ZNF804B: variants seen among roughly 807,000 people sequenced by gnomAD.
ZNF804B encodes the protein zinc finger 804B.
ZNF804B carries 80 observed loss-of-function variants against 101.4 expected under a neutral mutation model. The observed-to-expected ratio is 0.79, with a 90% CI of 0.66 to 0.95. The LOEUF is 0.95. Among genes scored for constraint, ZNF804B ranks in the 40% least tolerant of loss-of-function variants. The pLI is 0.00. For missense variants in ZNF804B, 1,673 were observed against 1,561.9 expected (o/e 1.07, Z -1.20); for synonymous variants, 622 against 558.8 (o/e 1.11, Z -1.59).
chr7:89,107,313 C>T (rs1790149598), intron 1 of ZNF804B, among the ~76,000 whole-genome samples: 1 of 151,734 alleles, frequency 6.6e-6, no homozygotes, highest in Non-Finnish European at 1.5e-5. Context: ...ATTTAATGAT[C>T]CTTTTACATG....
intron 2 of ZNF804B, among the ~76,000 whole-genome samples, chr7:89,288,006 G>A (rs1224344638): frequency 6.6e-6 from 1 of 150,874 alleles, no homozygotes; most frequent in Non-Finnish European, 1.5e-5. Context: ...TCATTACAAT[G>A]TTCAGCATAC....
At chr7:89,166,142 G>A (rs1229578671) in intron 1 of ZNF804B, among the ~76,000 whole-genome samples, 2 of 152,092 alleles carry the variant, frequency 1.3e-5, no homozygotes, top group East Asian at 3.9e-4. Context: ...AGACTGCTTA[G>A]TGTGCAATTA....
intron 2 of ZNF804B, among the ~76,000 whole-genome samples, chr7:89,255,869 T>C (rs1021113350): frequency 6.6e-6 from 1 of 151,844 alleles, no homozygotes; most frequent in Non-Finnish European, 1.5e-5. Context: ...TTCATAAAAG[T>C]GAGTAAAAGA....
At chr7:89,224,647 T>C (rs1193104152) in intron 2 of ZNF804B, among the ~76,000 whole-genome samples, 2 of 151,770 alleles carry the variant, frequency 1.3e-5, no homozygotes, top group Non-Finnish European at 2.9e-5. Flanking sequence ...ATACCTTCAG[T>C]ACCATAAAAT....
intron 1 of ZNF804B, among the ~76,000 whole-genome samples, chr7:88,840,659 T>C (rs2115804000): frequency 6.6e-6 from 1 of 152,158 alleles, no homozygotes; most frequent in South Asian, 2.1e-4. Context: ...TCCGGGATAG[T>C]TTTGAACTGA....
At chr7:89,147,736 A>C (rs1023021847) in intron 1 of ZNF804B, among the ~76,000 whole-genome samples, 1 of 151,964 alleles carries the variant, frequency 6.6e-6, no homozygotes, top group Admixed American at 6.6e-5. Flanking sequence ...TTAGATTCTC[A>C]TAGGAGAACG....
chr7:89,246,004 C>T (rs952322336), intron 2 of ZNF804B, among the ~76,000 whole-genome samples: 1 of 152,150 alleles, frequency 6.6e-6, no homozygotes, highest in African/African-American at 2.4e-5. Flanking sequence ...AAGCTGCAGA[C>T]ATTTTCCCAG....
In ZNF804B at chr7:89,335,066, G is replaced by T. The variant is rs2116004809; in HGVS notation, c.2084G>T (p.Arg695Ile). The T allele has an allele frequency of 6.2e-7, 1 of 1,613,792 alleles. No homozygotes were observed. The highest frequency in any genetic ancestry group is 2.2e-5 in the East Asian group (1 of 44,844). Residue 695 changes from arginine to isoleucine, a missense_variant, in exon 4 of 4, where the codon AGA (arginine) becomes ATA (isoleucine). Physicochemically the swap from Arg to Ile is moderately conservative, Grantham distance 97. Transcript: ENST00000333190. Reference sequence around the variant, plus strand: ...AAGGTTTCCGGATGTGGAAACCAAAGATACAAGAGATACTCTCCACAGTCA... The same window carrying T: ...AAGGTTTCCGGATGTGGAAACCAAATATACAAGAGATACTCTCCACAGTCA... ...TSKVSGCGNQ[R>I]YKRYSPQSCL... is the part of the protein sequence containing the mutation.
chr7:89,147,740 G>A (rs970084441), intron 1 of ZNF804B, among the ~76,000 whole-genome samples: 1 of 151,822 alleles, frequency 6.6e-6, no homozygotes, highest in Non-Finnish European at 1.5e-5. Context: ...ATTCTCATAG[G>A]AGAACGAACC....
intron 1 of ZNF804B, among the ~76,000 whole-genome samples, chr7:88,988,117 C>A (rs1793790863): frequency 6.6e-6 from 1 of 151,336 alleles, no homozygotes; most frequent in Non-Finnish European, 1.5e-5. Context: ...ACATAATGTC[C>A]TCCAGTTCCA....
chr7:88,817,186 A>T (rs1351160450), intron 1 of ZNF804B, among the ~76,000 whole-genome samples: 1 of 152,172 alleles, frequency 6.6e-6, no homozygotes, highest in African/African-American at 2.4e-5. Flanking sequence ...AACAATGAGA[A>T]CACATGGACA....
At chr7:89,145,222 T>A in intron 1 of ZNF804B, among the ~76,000 whole-genome samples, 1 of 152,144 alleles carries the variant, frequency 6.6e-6, no homozygotes, top group East Asian at 1.9e-4. Context: ...CTTAATTATA[T>A]ATTTAATAGT....
chr7:88,856,870 G>GT (rs1308944320), intron 1 of ZNF804B, among the ~76,000 whole-genome samples: 1 of 152,124 alleles, frequency 6.6e-6, no homozygotes, highest in South Asian at 2.1e-4. Flanking sequence ...ATAATCGTAT[G>GT]TTTTTTGTCG....
intron 1 of ZNF804B, among the ~76,000 whole-genome samples, chr7:88,853,662 C>T (rs1270532950): frequency 6.6e-6 from 1 of 152,082 alleles, no homozygotes; most frequent in South Asian, 2.1e-4. Context: ...AAGTTAGTCC[C>T]CAAATATTGT....
chr7:89,300,859 A>G (rs374185994), intron 2 of ZNF804B, among the ~76,000 whole-genome samples: 2 of 151,840 alleles, frequency 1.3e-5, no homozygotes, highest in African/African-American at 2.4e-5. Flanking sequence ...TAAACAGTGG[A>G]TAGAAGTGGA....
chr7:88,895,533 C>A (rs549852230), intron 1 of ZNF804B, among the ~76,000 whole-genome samples: 6 of 152,130 alleles, frequency 3.9e-5, no homozygotes, highest in Non-Finnish European at 8.8e-5. Context: ...CGATGATACC[C>A]CATTAGCAAT....
rs181373754 is a variant in ZNF804B at position 89,203,388 on chromosome 7, C to T, written c.109-14767C>T. On this transcript the variant is annotated intron_variant, in intron 1 of 3. Transcript: ENST00000333190. Reference sequence around the variant, plus strand: ...CTTATCCAAGTTTTGCAGTTGTATGCGAAGACTATTTAATAGACAAGCATA... The same window carrying T: ...CTTATCCAAGTTTTGCAGTTGTATGTGAAGACTATTTAATAGACAAGCATA... Among the ~76,000 whole-genome samples, 481 of 152,196 alleles carry T rather than the reference C, an allele frequency of 3.2e-3. 3 individuals carry two copies. The highest frequency in any genetic ancestry group is 0.014 in the Middle Eastern group (4 of 294).
chr7:89,277,818 A>G (rs1790013253), intron 2 of ZNF804B, among the ~76,000 whole-genome samples: 1 of 152,006 alleles, frequency 6.6e-6, no homozygotes, highest in Admixed American at 6.6e-5. Flanking sequence ...ATACGTGTGC[A>G]TGTGTCTTTA....
intron 1 of ZNF804B, among the ~76,000 whole-genome samples, chr7:89,150,883 T>G (rs1452734257): frequency 6.6e-6 from 1 of 152,096 alleles, no homozygotes; most frequent in Non-Finnish European, 1.5e-5. Flanking sequence ...AGGCCTTTAG[T>G]TATCATTTGA....
Sources: gnomAD v4.1 joint callset for allele counts (sites outside exome capture counted in the v4.1 genomes callset) on GRCh38, gnomAD v4.1.1 for gene constraint, MANE v1.5 for transcripts, NCBI Gene and HGNC (gene_info 2026-07-23, HGNC 2026-07-21) for gene names.